The following CEP97 variants were observed in gnomAD, a reference collection of about 807,000 sequenced individuals.
CEP97 encodes centrosomal protein 97.
A neutral mutation model predicts 73.1 loss-of-function variants in CEP97; 43 were observed. The ratio of observed to expected loss-of-function variants is 0.59; its 90% CI spans 0.46 to 0.76. CEP97 has a LOEUF of 0.76. CEP97 is among the 30% of genes least tolerant of loss of function. CEP97 has a pLI of 0.00. For missense variants in CEP97, 939 were observed against 1,014.0 expected (o/e 0.93, Z 1.00); for synonymous variants, 337 against 370.0 (o/e 0.91, Z 1.02).
At chr3:101,754,993 C>T (rs1045802767) in intron 6 of CEP97, among the ~76,000 whole-genome samples, 1 of 151,330 alleles carries the variant, frequency 6.6e-6, no homozygotes, top group African/African-American at 2.4e-5. Flanking sequence ...CACCTGACCT[C>T]AAGTGATCCT....
At chr3:101,761,129 A>AG (rs1939162363) in intron 9 of CEP97, among the ~76,000 whole-genome samples, 1 of 152,152 alleles carries the variant, frequency 6.6e-6, no homozygotes, top group Admixed American at 6.5e-5. Flanking sequence ...GGCCTCCCAA[A>AG]GTGCTGGGAT....
At chr3:101,729,956 C>G (rs944990775) in intron 4 of CEP97, among the ~76,000 whole-genome samples, 4 of 151,972 alleles carry the variant, frequency 2.6e-5, no homozygotes, top group African/African-American at 9.7e-5. Context: ...AGGCGCCCAC[C>G]ACCACACCTG....
chr3:101,742,734 A>T (rs964037831), intron 6 of CEP97, among the ~76,000 whole-genome samples: 15 of 139,996 alleles, frequency 1.1e-4, no homozygotes, highest in African/African-American at 1.6e-4. Flanking sequence ...TAAAGTATTT[A>T]AAAAAAAAAA....
rs545952116 is a variant in CEP97, at chr3:101,744,040, G to C, written c.728+11386G>C. ...AAAAAAGACTGATAATACTAAGGAT[G>C]TGGTGCAATTGGAATGCTCATAAAC... On this transcript the variant is annotated intron_variant, in intron 6 of 10. Transcript: ENST00000341893. Among the ~76,000 whole-genome samples, 32 of 151,258 alleles carry C rather than the reference G, an allele frequency of 2.1e-4. No individual in the cohort carries two copies. In the South Asian group the frequency reaches 6.5e-3, roughly 31 times the overall value.
rs1204631850 is a variant in CEP97, at chr3:101,770,180, A to G, written c.*4629A>G. On this transcript the variant is annotated 3_prime_UTR_variant, in exon 11 of 11. Coordinates refer to ENST00000341893, the MANE Select transcript of CEP97 (RefSeq NM_024548.4). Reference sequence around the variant, plus strand: ...GCTAAGACTACAGGCACACGCCACCATGCCCAGCTAATTTTTATATTTTTA... The same window carrying G: ...GCTAAGACTACAGGCACACGCCACCGTGCCCAGCTAATTTTTATATTTTTA... 6.6e-6 allele frequency: 1 copy of G among 152,064 alleles called. No individual in the cohort carries two copies. The highest frequency in any genetic ancestry group is 1.5e-5 in the Non-Finnish European group (1 of 68,046). The allele number at this position is 152,064 out of a possible 1,614,324, so 9.4% of individuals were successfully genotyped here. A position where few individuals can be genotyped will look rare whatever the true frequency, so the allele number is the denominator to read the frequency against.
intron 10 of CEP97, among the ~76,000 whole-genome samples, chr3:101,763,668 TG>T (rs1939229889): frequency 1.3e-5 from 2 of 152,366 alleles, no homozygotes; most frequent in African/African-American, 4.8e-5. Flanking sequence ...TTGGAATTTT[TG>T]TTATACTTTA....
At chr3:101,731,250 G>A (rs940149630) in intron 4 of CEP97, among the ~76,000 whole-genome samples, 3 of 144,388 alleles carry the variant, frequency 2.1e-5, no homozygotes, top group East Asian at 2.0e-4. Flanking sequence ...ACCCAGGCTC[G>A]AGTGCAGTGG....
In CEP97 at chr3:101,741,941, C is replaced by T. The variant is rs1187087478; in HGVS notation, c.728+9287C>T. 2.0e-5 allele frequency among the ~76,000 whole-genome samples: 3 copies of T among 151,594 alleles called. No homozygotes were observed. In the East Asian group the frequency reaches 5.8e-4, roughly 29 times the overall value. On this transcript the variant is annotated intron_variant, in intron 6 of 10. Coordinates refer to ENST00000341893, the MANE Select transcript of CEP97 (RefSeq NM_024548.4). ...CCTGTAATCCCAGCTACTCAGGGGGCTGAGGCAGGAGAGTCGCTTGAGCCC... is the reference window on the plus strand; with the variant it reads ...CCTGTAATCCCAGCTACTCAGGGGGTTGAGGCAGGAGAGTCGCTTGAGCCC...
At chr3:101,747,601 G>T (rs1370366898) in intron 6 of CEP97, among the ~76,000 whole-genome samples, 1 of 150,698 alleles carries the variant, frequency 6.6e-6, no homozygotes, top group Admixed American at 6.6e-5. Context: ...TTGTTGCCCA[G>T]GCTGGAGTGC....
rs3039557 is a variant in CEP97 at position 101,766,638 on chromosome 3, G to GATATATATAT, written c.*1098_*1107dup. The GATATATATAT allele has an allele frequency of 6.8e-6, 1 of 148,006 alleles. No homozygotes were observed. The highest frequency in any genetic ancestry group is 2.1e-4 in the South Asian group (1 of 4,662). The allele number at this position is 148,006 out of a possible 1,614,324, so 9.2% of individuals were successfully genotyped here. On this transcript the variant is annotated 3_prime_UTR_variant, in exon 11 of 11. Transcript: ENST00000341893. ...AAACCTCACTTTACTTGTTAAAAGG[G>GATATATATAT]ATATATATATATATATATATGTCTG...
At position 101,769,547 on chromosome 3, in the gene CEP97, C is replaced by T. The variant is rs886215333; in HGVS notation, c.*3996C>T. ...GCCAGGCTGGTCTCGAACTCCTGAC[C>T]TCAAGTGATCCACCCACCTCGGCCT... On this transcript the variant is annotated 3_prime_UTR_variant, in exon 11 of 11. Transcript: ENST00000341893. 6.6e-6 allele frequency: 1 copy of T among 152,004 alleles called. No individual in the cohort carries two copies. The highest frequency in any genetic ancestry group is 1.5e-5 in the Non-Finnish European group (1 of 68,036). 9.4% of individuals were successfully genotyped at this position (152,004 alleles called of 1,614,324 possible).
Position 101,765,614 on chromosome 3 carries a change from CT to C in CEP97, c.*71del. On this transcript the variant is annotated 3_prime_UTR_variant, in exon 11 of 11. Transcript: ENST00000341893. ...TTAAAAATACTTTCAGTTGCCTTTGCTTTTTTTTGGAGGGAAATACTCCCTA... is the reference window on the plus strand; with the variant it reads ...TTAAAAATACTTTCAGTTGCCTTTGCTTTTTTTGGAGGGAAATACTCCCTA... 3.2e-5 allele frequency: 44 copies of C among 1,391,292 alleles called. No homozygotes were observed. Among genetic ancestry groups the C allele is most frequent in the Non-Finnish European group, 3.6e-5 (37 of 1,020,324 alleles). 86.2% of individuals were successfully genotyped at this position (1,391,292 alleles called of 1,614,324 possible).
chr3:101,769,630 T>C lies in CEP97; in HGVS notation c.*4079T>C, dbSNP rs539988672. On this transcript the variant is annotated 3_prime_UTR_variant, in exon 11 of 11. Coordinates refer to ENST00000341893, the MANE Select transcript of CEP97 (RefSeq NM_024548.4). ...TGTGCCCAGCCGAGACTTCATTGTT[T>C]AATGTATATTTTTATTTTTTCCAAA... The C allele has an allele frequency of 2.0e-5, 3 of 152,288 alleles. No individual in the cohort carries two copies. Among genetic ancestry groups the C allele is most frequent in the African/African-American group, 7.2e-5 (3 of 41,552 alleles). 9.4% of individuals were successfully genotyped at this position (152,288 alleles called of 1,614,324 possible).
Position 101,727,443 on chromosome 3 carries a change from C to G in CEP97, c.247C>G (p.Arg83Gly). ...GGGTGTGGCCAAGCTGACGTTGCTT[C>G]GTGTATTAAATTTGCCTCATAATAG... ...MMGVAKLTLL[R>G]VLNLPHNSIG... is the part of the protein sequence containing the mutation. Residue 83 changes from arginine to glycine, a missense_variant, in exon 3 of 11, where the codon CGT becomes GGT. Coordinates refer to ENST00000341893, the MANE Select transcript of CEP97 (RefSeq NM_024548.4). 6.2e-7 allele frequency: 1 copy of G among 1,613,758 alleles called. No homozygotes were observed. Among genetic ancestry groups the G allele is most frequent in the Non-Finnish European group, 8.5e-7 (1 of 1,179,834 alleles).
chr3:101,768,454 C>A lies in CEP97; in HGVS notation c.*2903C>A, dbSNP rs1257589707. ...TGACAGAGTTGCTTGTAGAAAATAA[C>A]TAATTCCTTCAGAACCCTGAGTGAA... On this transcript the variant is annotated 3_prime_UTR_variant, in exon 11 of 11. Coordinates refer to ENST00000341893, the MANE Select transcript of CEP97 (RefSeq NM_024548.4). 1 of 152,138 alleles carries A rather than the reference C, an allele frequency of 6.6e-6. No individual in the cohort carries two copies. Among genetic ancestry groups the A allele is most frequent in the African/African-American group, 2.4e-5 (1 of 41,444 alleles). 9.4% of individuals were successfully genotyped at this position (152,138 alleles called of 1,614,324 possible). A position where few individuals can be genotyped will look rare whatever the true frequency, so the allele number is the denominator to read the frequency against.
intron 1 of CEP97, among the ~76,000 whole-genome samples, chr3:101,726,033 CTA>C (rs1937876167): frequency 6.6e-6 from 1 of 152,166 alleles, no homozygotes; most frequent in African/African-American, 2.4e-5. Flanking sequence ...GTTTGAACGT[CTA>C]TGTTATACTA....
intron 1 of CEP97, among the ~76,000 whole-genome samples, chr3:101,726,156 T>G (rs1937880672): frequency 6.6e-6 from 1 of 152,208 alleles, no homozygotes; most frequent in African/African-American, 2.4e-5. Context: ...TCCTATTTTA[T>G]GGGAGAATTA....
chr3:101,738,656 C>T (rs946264752), intron 6 of CEP97, among the ~76,000 whole-genome samples: 1 of 152,038 alleles, frequency 6.6e-6, no homozygotes, highest in Non-Finnish European at 1.5e-5. Flanking sequence ...GACACAACAT[C>T]CCAGAATCTC....
intron 6 of CEP97, among the ~76,000 whole-genome samples, chr3:101,752,817 A>G (rs1021768793): frequency 7.9e-5 from 12 of 152,126 alleles, no homozygotes; most frequent in African/African-American, 2.9e-4. Context: ...CAAAGTTTTT[A>G]ACTTCTTTGC....
Sources: gnomAD v4.1 joint callset for allele counts (sites outside exome capture counted in the v4.1 genomes callset) on GRCh38, gnomAD v4.1.1 for gene constraint, MANE v1.5 for transcripts, NCBI Gene and HGNC (gene_info 2026-07-23, HGNC 2026-07-21) for gene names.